Variants in PLEC observed in about 807,000 individuals in gnomAD.
The protein encoded by PLEC is plectin, also known as hemidesmosomal protein 1.
In PLEC, 216 loss-of-function variants were observed where a neutral mutation model predicts 392.8. The observed-to-expected ratio is 0.55, with a 90% CI of 0.49 to 0.62. The LOEUF (loss-of-function observed/expected upper bound fraction) is 0.62. Ranked by LOEUF, PLEC falls within the 20% of genes least tolerant of loss-of-function variation. The pLI, the probability that PLEC is intolerant of heterozygous loss-of-function variation, is 0.00. For synonymous variants in PLEC, 3,621 were observed against 2,980.6 expected (o/e 1.21, Z -7.00); for missense variants, 6,863 against 6,563.4 (o/e 1.05, Z -1.58).
upstream of PLEC, among the ~76,000 whole-genome samples, chr8:143,939,917 A>G (rs1373979238): frequency 6.6e-6 from 1 of 152,064 alleles, no homozygotes; most frequent in Non-Finnish European, 1.5e-5. Flanking sequence ...CAACAGACTG[A>G]AGGGCTCCCC....
chr8:143,929,534 G>A lies in PLEC; in HGVS notation c.2961C>T (p.Ser987=), dbSNP rs149932255. ...QEESRCQRCI[S]ELKDIRLQLE... ...GCTGCAGCCGGATGTCTTTGAGCTCGGAGATGCAGCGCTGGCAGCGAGACT... is the reference window on the plus strand; with the variant it reads ...GCTGCAGCCGGATGTCTTTGAGCTCAGAGATGCAGCGCTGGCAGCGAGACT... The change falls in exon 24 of 32, where the codon TCC becomes TCT. Residue 987 remains serine, a synonymous_variant. Coordinates refer to ENST00000345136, the MANE Select transcript of PLEC (RefSeq NM_201384.3). 12,025 of 1,612,624 alleles carry A rather than the reference G, an allele frequency of 7.5e-3. 71 individuals carry two copies. Among genetic ancestry groups the A allele is most frequent in the Non-Finnish European group, 8.3e-3 (9,809 of 1,179,896 alleles).
At chr8:143,958,522 C>A, upstream of PLEC, 1 of 366,410 alleles carries the variant, frequency 2.7e-6, no homozygotes, top group South Asian at 1.9e-5. This position sits in a 1 kb window ranked among gnomAD's most constrained non-coding sequence, Gnocchi z 4.9. Context: ...TGCCCACTGT[C>A]TCCACCACAC....
At position 143,939,310 on chromosome 8, in the gene PLEC, CGCCCTGCCTGGCGGGGGTGCCCGAGGGGA is replaced by C. The variant is rs1564176524; in HGVS notation, c.112+11_112+39del. On this transcript the variant is annotated intron_variant, in intron 1 of 31. Coordinates refer to ENST00000345136, the MANE Select transcript of PLEC (RefSeq NM_201384.3). The stretch of plus-strand genomic sequence containing the variant: ...AGTGGGCCTTCCTCCCGCAGGGGCC[CGCCCTGCCTGGCGGGGGTGCCCGAGGGGA>C]GCCCTGCTACCTTTCTTGCCCTCAG... 6.3e-7 allele frequency: 1 copy of C among 1,589,476 alleles called. No individual in the cohort carries two copies.
At chr8:143,961,809 A>G (rs1439570998) in intron 1 of PLEC, among the ~76,000 whole-genome samples, 1 of 152,150 alleles carries the variant, frequency 6.6e-6, no homozygotes, top group Non-Finnish European at 1.5e-5. Flanking sequence ...ACACACACTA[A>G]AGAACACTGT....
chr8:143,943,697 A>T, upstream of PLEC: 5 of 1,287,358 alleles, frequency 3.9e-6, no homozygotes, highest in Non-Finnish European at 5.5e-6. Context: ...CAGGAAGGGG[A>T]GGGCGCAGGG....
chr8:143,955,918 T>C (rs963082131), upstream of PLEC, among the ~76,000 whole-genome samples: 1 of 148,106 alleles, frequency 6.8e-6, no homozygotes, highest in Non-Finnish European at 1.5e-5. Context: ...ATTTAATGCA[T>C]AAAAATTTTC....
intron 18 of PLEC, 98 bp downstream of exon 18, chr8:143,931,839 G>A: frequency 7.1e-7 from 1 of 1,417,882 alleles, no homozygotes; most frequent in Non-Finnish European, 9.7e-7. Flanking sequence ...GGCAACGTCT[G>A]CAGACAGGAG....
rs1831173707 is a variant in PLEC, at chr8:143,944,675, G to C, written c.523+5509C>G. 4 of 1,334,772 alleles carry C rather than the reference G, an allele frequency of 3.0e-6. No homozygotes were observed. In the Admixed American group the frequency reaches 9.3e-5, roughly 31 times the overall value. 82.7% of individuals were successfully genotyped at this position (1,334,772 alleles called of 1,614,324 possible). ...GGCACGATCTTCATCGGGGACGGTG[G>C]CAGGAGCCCACGGGGCAGACGGAGC... is the stretch of plus-strand genomic sequence containing the variant. On this transcript the variant is annotated intron_variant, in intron 1 of 31. Transcript: ENST00000322810.
rs781915378 is a variant in PLEC, at chr8:143,932,689, C to A, written c.1761G>T (p.Arg587=). Residue 587 remains arginine (R), a synonymous_variant, in exon 15 of 32, where the codon CGG becomes CGT. Coordinates refer to ENST00000345136, the MANE Select transcript of PLEC (RefSeq NM_201384.3). ...SDEGQLSPAT[R]GAYRDCLGRL... ...GACCCAGGCAGTCACGGTAGGCACC[C>A]CGGGTGGCGGGGGAGAGCTGGCCCT... The A allele has an allele frequency of 1.2e-6, 2 of 1,608,758 alleles. No homozygotes were observed. Among genetic ancestry groups the A allele is most frequent in the Non-Finnish European group, 1.7e-6 (2 of 1,178,240 alleles).
In PLEC at chr8:143,932,175, C is replaced by A; in HGVS notation, c.2037G>T (p.Gly679=). 1.9e-6 allele frequency: 3 copies of A among 1,612,296 alleles called. No individual in the cohort carries two copies. Among genetic ancestry groups the A allele is most frequent in the Non-Finnish European group, 2.5e-6 (3 of 1,179,872 alleles). ...GGTGGTCCTCCCGCAGCAGCCGGTC[C>A]CCAGCATTTTGGAGCTCCTTGATCT... ...EKKIKELQNA[G]DRLLREDHPA... The change falls in exon 17 of 32, where the codon GGG becomes GGT. Residue 679 remains glycine (G), a synonymous_variant. Coordinates refer to ENST00000345136, the MANE Select transcript of PLEC (RefSeq NM_201384.3).
At chr8:143,928,383 C>T (rs1322907523) in intron 25 of PLEC, among the ~76,000 whole-genome samples, 2 of 152,218 alleles carry the variant, frequency 1.3e-5, no homozygotes, top group Non-Finnish European at 2.9e-5. Flanking sequence ...GAAATGGCAC[C>T]CTGTGGTAGC....
chr8:143,924,686 T>C lies in PLEC; in HGVS notation c.5243A>G (p.Gln1748Arg), dbSNP rs1243845203. Residue 1748 changes from glutamine to arginine, a missense_variant, in exon 31 of 32, where the codon CAG becomes CGG. Transcript: ENST00000345136. Reference protein sequence around the residue: ...RLQREAAAATQKRQELEAELA... With the variant: ...RLQREAAAATRKRQELEAELA... ...CTCGGCTTCCAGCTCCTGCCGTTTC[T>C]GCGTGGCTGCAGCCGCCTCACGCTG... 2 of 1,534,664 alleles carry C rather than the reference T, an allele frequency of 1.3e-6. No homozygotes were observed. Among genetic ancestry groups the C allele is most frequent in the Non-Finnish European group, 1.7e-6 (2 of 1,146,370 alleles).
chr8:143,938,774 C>G (rs1829770463), intron 1 of PLEC, 82 bp from the exon 2 acceptor site: 2 of 1,247,458 alleles, frequency 1.6e-6, no homozygotes, highest in Non-Finnish European at 1.2e-6. Flanking sequence ...GACACAGCAG[C>G]CTGGCTGGCC....
chr8:143,950,939 C>A, upstream of PLEC: 1 of 865,778 alleles, frequency 1.2e-6, no homozygotes, highest in Non-Finnish European at 1.7e-6. Context: ...CGGCTGCCCG[C>A]CTTCCTCCAG....
upstream of PLEC, among the ~76,000 whole-genome samples, chr8:143,941,834 C>A (rs565062756): frequency 1.8e-4 from 27 of 152,272 alleles, no homozygotes; most frequent in South Asian, 5.4e-3. Context: ...CCTCTGCACA[C>A]CTGCCTGACA....
chr8:143,930,746 C>A (rs782040541), intron 19 of PLEC, among the ~76,000 whole-genome samples: 4 of 152,252 alleles, frequency 2.6e-5, no homozygotes, highest in Middle Eastern at 3.4e-3. Flanking sequence ...CCAGACAGGG[C>A]ACCCTCCTCT....
chr8:143,972,082 G>C (rs1833456556), intron 1 of PLEC, among the ~76,000 whole-genome samples: 1 of 152,232 alleles, frequency 6.6e-6, no homozygotes, highest in Non-Finnish European at 1.5e-5. Context: ...AACCTGACCA[G>C]ATGAAGAACT....
chr8:143,944,211 G>A (rs1179596889), upstream of PLEC, among the ~76,000 whole-genome samples: 7 of 151,712 alleles, frequency 4.6e-5, no homozygotes, highest in Admixed American at 2.0e-4. Flanking sequence ...GGCCACACCC[G>A]CCGGGAGGAG....
chr8:143,946,678 A>G, intron 1 of PLEC: 2 of 201,958 alleles, frequency 9.9e-6, no homozygotes, highest in Non-Finnish European at 1.9e-5. Flanking sequence ...TGCCCCGCCC[A>G]GCAGACCCCC....
Sources: gnomAD v4.1 joint callset for allele counts (sites outside exome capture counted in the v4.1 genomes callset) on GRCh38, gnomAD v4.1.1 for gene constraint, Gnocchi (gnomAD v3.1) non-coding constraint, MANE v1.5 for transcripts, NCBI Gene and HGNC (gene_info 2026-07-23, HGNC 2026-07-21) for gene names.